ECPAS: variants seen among roughly 807,000 people sequenced by gnomAD.
ECPAS encodes proteasome adapter and scaffold protein ECM29.
Under a neutral mutation model 255.1 loss-of-function variants are expected in ECPAS, and 70 were observed. The ratio of observed to expected loss-of-function variants is 0.27; its 90% CI spans 0.23 to 0.33. The LOEUF is 0.33. Ranked by LOEUF, ECPAS falls within the 10% of genes least tolerant of loss-of-function variation. ECPAS has a pLI of 1.00. For missense variants in ECPAS, 1,817 were observed against 2,206.4 expected, an observed-to-expected ratio of 0.82 and a Z score of 3.54; for synonymous variants, 784 against 775.0, an observed-to-expected ratio of 1.01 and a Z score of -0.19.
intron 8 of ECPAS, among the ~76,000 whole-genome samples, chr9:111,431,857 TTC>T (rs1429637015): frequency 2.0e-5 from 3 of 152,216 alleles, no homozygotes; most frequent in African/African-American, 7.2e-5. Context: ...CATTCTACAA[TTC>T]TGTTTTAGAT....
chr9:111,423,267 A>G lies in ECPAS; in HGVS notation c.1216-19T>C, dbSNP rs771882393. ...TAGGGTCCTTGAAATTAAAAAAAGA[A>G]AAGAAAGAAAAGAAAGAACAAAAAA... On this transcript the variant is annotated intron_variant, in intron 12 of 49. Coordinates refer to ENST00000684092, the MANE Select transcript of ECPAS (RefSeq NM_001364929.1). 3 of 1,481,748 alleles carry G rather than the reference A, an allele frequency of 2.0e-6. No individual in the cohort carries two copies. The highest frequency in any genetic ancestry group is 2.7e-6 in the Non-Finnish European group (3 of 1,090,928). The allele number at this position is 1,481,748 out of a possible 1,614,324, so 91.8% of individuals were successfully genotyped here.
chr9:111,394,176 G>A lies in ECPAS; in HGVS notation c.2906C>T (p.Thr969Ile), dbSNP rs1230380417. ...WLLSLVRKLS[T>I]HKEVKSHLKE... ...ATGGCTCACCTTCACTTCTTTGTGG[G>A]TACTTAGCTTCCTGACAAGGGAAAG... is the stretch of plus-strand genomic sequence containing the variant. The change falls in exon 26 of 50, where the codon ACC (threonine) becomes ATC (isoleucine). Residue 969 changes from threonine (T) to isoleucine (I), a missense_variant. Physicochemically the swap from Thr to Ile is moderately conservative, Grantham distance 89. Around this residue, in one of 4 missense-constraint regions of ECPAS, gnomAD observed 960 missense variants for 1,179.0 expected, o/e 0.81. Transcript: ENST00000684092. 1 of 1,607,820 alleles carries A rather than the reference G, an allele frequency of 6.2e-7. No individual in the cohort carries two copies. The highest frequency in any genetic ancestry group is 8.5e-7 in the Non-Finnish European group (1 of 1,177,134).
intron 3 of ECPAS, among the ~76,000 whole-genome samples, chr9:111,450,339 A>C (rs1366643917): frequency 1.3e-5 from 2 of 152,252 alleles, no homozygotes; most frequent in Admixed American, 1.3e-4. Context: ...TCAGCAAAGA[A>C]GGATTAACTG....
At chr9:111,401,218 G>GTAGGT (rs1304451266) in intron 24 of ECPAS, among the ~76,000 whole-genome samples, 5 of 152,206 alleles carry the variant, frequency 3.3e-5, no homozygotes, top group South Asian at 2.1e-4. Context: ...ATATTTCAAT[G>GTAGGT]TAGGTTCTTT....
intron 25 of ECPAS, among the ~76,000 whole-genome samples, chr9:111,395,424 G>A (rs890820768): frequency 2.6e-5 from 4 of 152,100 alleles, no homozygotes; most frequent in Non-Finnish European, 4.4e-5. Context: ...CATAGAACAC[G>A]CATGATCAAA....
intron 1 of ECPAS, among the ~76,000 whole-genome samples, chr9:111,478,540 T>C (rs2098299503): frequency 6.6e-6 from 1 of 151,336 alleles, no homozygotes. Flanking sequence ...AACAAAATAA[T>C]AAACAAATAA....
At chr9:111,447,761 A>C (rs1382072830) in intron 3 of ECPAS, among the ~76,000 whole-genome samples, 1 of 151,908 alleles carries the variant, frequency 6.6e-6, no homozygotes, top group African/African-American at 2.4e-5. Context: ...AAATATATTA[A>C]GTTCAAAATG....
intron 1 of ECPAS, among the ~76,000 whole-genome samples, chr9:111,477,409 C>A (rs1287844400): frequency 6.6e-6 from 1 of 152,016 alleles, no homozygotes; most frequent in East Asian, 1.9e-4. Flanking sequence ...ACCGCTCCAG[C>A]CCTGATTGCC....
intron 24 of ECPAS, among the ~76,000 whole-genome samples, chr9:111,404,728 ATAG>A (rs1274743646): frequency 6.8e-6 from 1 of 147,920 alleles, no homozygotes; most frequent in Non-Finnish European, 1.5e-5. Context: ...TTACCCACTT[ATAG>A]CAGTGCGAGA....
chr9:111,379,785 T>G (rs1385809531), intron 35 of ECPAS, among the ~76,000 whole-genome samples: 1 of 152,248 alleles, frequency 6.6e-6, no homozygotes, highest in Non-Finnish European at 1.5e-5. Flanking sequence ...TTGCATCTCA[T>G]GAAACCACTT....
intron 31 of ECPAS, among the ~76,000 whole-genome samples, chr9:111,387,897 TCTCA>T (rs1319155185): frequency 6.6e-6 from 1 of 152,196 alleles, no homozygotes; most frequent in Non-Finnish European, 1.5e-5. Flanking sequence ...AGGGACAGTG[TCTCA>T]CTCATCATCA....
In ECPAS at chr9:111,437,109, C is replaced by T; in HGVS notation, c.540-1G>A. The stretch of plus-strand genomic sequence containing the variant: ...ACTCTGGGATTCATTTAACACGTAA[C>T]TGGAAAGGAAATAACACTTTAACCC... On this transcript the variant is annotated splice_acceptor_variant, in intron 6 of 49. Coordinates refer to ENST00000684092, the MANE Select transcript of ECPAS (RefSeq NM_001364929.1). LOFTEE classifies it high-confidence loss of function. The T allele has an allele frequency of 6.3e-7, 1 of 1,595,460 alleles. No individual in the cohort carries two copies. Among genetic ancestry groups the T allele is most frequent in the Non-Finnish European group, 8.5e-7 (1 of 1,173,720 alleles).
In ECPAS at chr9:111,361,469, C is replaced by T. The variant is rs2098113181; in HGVS notation, c.*561G>A. 6.6e-6 allele frequency: 1 copy of T among 152,406 alleles called. No homozygotes were observed. Among genetic ancestry groups the T allele is most frequent in the Non-Finnish European group, 1.5e-5 (1 of 68,102 alleles). 9.4% of individuals were successfully genotyped at this position (152,406 alleles called of 1,614,324 possible). On this transcript the variant is annotated 3_prime_UTR_variant, in exon 50 of 50. Transcript: ENST00000684092. ...ACTGCTGTGTGCCACCCTAAACGTA[C>T]CTCATCTTGGAAGTTTCTTGGGTAA...
At position 111,383,341 on chromosome 9, in the gene ECPAS, C is replaced by A. The variant is rs1357594809; in HGVS notation, c.3682-9G>T. Reference sequence around the variant, plus strand: ...CACATTTTCACACAGACCTCACATACAAAGAGCATGGACGTTAGTGAAAGT... The same window carrying A: ...CACATTTTCACACAGACCTCACATAAAAAGAGCATGGACGTTAGTGAAAGT... On this transcript the variant is annotated splice_polypyrimidine_tract_variant and intron_variant, in intron 34 of 49. Coordinates refer to ENST00000684092, the MANE Select transcript of ECPAS (RefSeq NM_001364929.1). 1 of 1,607,764 alleles carries A rather than the reference C, an allele frequency of 6.2e-7. No homozygotes were observed. Among genetic ancestry groups the A allele is most frequent in the South Asian group, 1.1e-5 (1 of 89,844 alleles).
At chr9:111,432,369 T>C (rs2131850770) in intron 8 of ECPAS, among the ~76,000 whole-genome samples, 1 of 152,332 alleles carries the variant, frequency 6.6e-6, no homozygotes, top group South Asian at 2.1e-4. Flanking sequence ...ATCCCAGCAC[T>C]TTGGGAGGCC....
chr9:111,395,670 G>A (rs1190839825), intron 25 of ECPAS, among the ~76,000 whole-genome samples: 3 of 152,068 alleles, frequency 2.0e-5, no homozygotes, highest in Admixed American at 6.5e-5. Flanking sequence ...TAAGTCACTA[G>A]GTAAAAAACC....
intron 28 of ECPAS, 40 bp from the exon 29 acceptor site, chr9:111,391,864 C>T: frequency 7.8e-7 from 1 of 1,285,948 alleles, no homozygotes; most frequent in East Asian, 2.4e-5. Context: ...TCAAGCTTTT[C>T]ATACCAACAT....
At chr9:111,430,512 TTACGC>T in intron 9 of ECPAS, 30 bp downstream of exon 9, 1 of 1,330,884 alleles carries the variant, frequency 7.5e-7, no homozygotes, top group Non-Finnish European at 1.1e-6. Flanking sequence ...AAACTACTTT[TTACGC>T]TGATGTGAGA....
intron 3 of ECPAS, among the ~76,000 whole-genome samples, chr9:111,450,526 T>G (rs936385803): frequency 3.9e-5 from 6 of 152,164 alleles, no homozygotes; most frequent in Non-Finnish European, 8.8e-5. Context: ...GAATAAAACC[T>G]GACCATAGCT....
Sources: gnomAD v4.1 joint callset for allele counts (sites outside exome capture counted in the v4.1 genomes callset) on GRCh38, gnomAD v4.1.1 for gene constraint, gnomAD v4.1.1 regional missense constraint, MANE v1.5 for transcripts, NCBI Gene and HGNC (gene_info 2026-07-23, HGNC 2026-07-21) for gene names.